The following DAB1 variants were observed in gnomAD, a reference collection of about 807,000 sequenced individuals.
DAB1 encodes DAB adaptor protein 1.
DAB1 carries 15 observed loss-of-function variants against 64.6 expected under a neutral mutation model. The observed-to-expected ratio is 0.23, with a 90% confidence interval of 0.16 to 0.36. The LOEUF (loss-of-function observed/expected upper bound fraction) is 0.36, where lower values mean the gene tolerates loss of function less well. DAB1 is among the 10% of genes least tolerant of loss of function. DAB1 has a pLI of 1.00. For missense variants in DAB1, 596 were observed against 706.7 expected (o/e 0.84, Z 1.78); for synonymous variants, 235 against 251.9 (o/e 0.93, Z 0.64).
intron 4 of DAB1, chr1:58,228,708 G>T: frequency 8.8e-7 from 1 of 1,138,584 alleles, no homozygotes; most frequent in South Asian, 1.2e-5. Context: ...CTTGCCCTGG[G>T]GTTCTTGGAC....
At chr1:57,333,554 T>C (rs1443336762) in intron 1 of DAB1, among the ~76,000 whole-genome samples, 1 of 152,226 alleles carries the variant, frequency 6.6e-6, no homozygotes, top group African/African-American at 2.4e-5. Flanking sequence ...GCTAGGCAAA[T>C]TGTGTGTAAC....
intron 7 of DAB1, among the ~76,000 whole-genome samples, chr1:57,636,053 C>T (rs1044521006): frequency 2.1e-5 from 3 of 145,014 alleles, no homozygotes; most frequent in Admixed American, 1.4e-4. Context: ...GCCAAGATAG[C>T]GCCACAGCAG....
intron 5 of DAB1, among the ~76,000 whole-genome samples, chr1:58,062,659 G>T (rs1041903311): frequency 1.1e-4 from 17 of 152,220 alleles, no homozygotes; most frequent in African/African-American, 4.1e-4. Flanking sequence ...TCACTACGGT[G>T]CCAGGAGTTC....
At chr1:58,221,119 C>G (rs1338420484) in intron 4 of DAB1, among the ~76,000 whole-genome samples, 1 of 151,328 alleles carries the variant, frequency 6.6e-6, no homozygotes, top group Non-Finnish European at 1.5e-5. Flanking sequence ...TGTGTACACA[C>G]ACACATACAC....
intron 7 of DAB1, among the ~76,000 whole-genome samples, chr1:57,555,483 G>A (rs1180652824): frequency 1.4e-5 from 2 of 148,016 alleles, no homozygotes; most frequent in East Asian, 2.0e-4. Context: ...AAAAGTATAC[G>A]AAATCACGTC....
rs149241677 is a variant in DAB1, at chr1:57,834,625, A to T, written n.88-8170T>A. Reference sequence around the variant, plus strand: ...TATGTGCACACAGTTATATATATACATACACAGTTTTATATATATATAAAA... The same window carrying T: ...TATGTGCACACAGTTATATATATACTTACACAGTTTTATATATATATAAAA... On this transcript the variant is annotated intron_variant and non_coding_transcript_variant, in intron 1 of 1. Coordinates refer to the DAB1 transcript ENST00000477280. Among the ~76,000 whole-genome samples, 541 of 151,860 alleles carry T rather than the reference A, an allele frequency of 3.6e-3. 2 individuals carry two copies. Among genetic ancestry groups the T allele is most frequent in the African/African-American group, 0.013 (526 of 41,440 alleles).
intron 1 of DAB1, among the ~76,000 whole-genome samples, chr1:57,347,215 C>T (rs1678182825): frequency 6.6e-6 from 1 of 152,146 alleles, no homozygotes; most frequent in South Asian, 2.1e-4. Flanking sequence ...CAAAGTCCTG[C>T]CCCAAATGGG....
chr1:58,475,468 G>A (rs774975864), intron 3 of DAB1, among the ~76,000 whole-genome samples: 58 of 144,590 alleles, frequency 4.0e-4, no homozygotes, highest in Non-Finnish European at 6.5e-4. Context: ...GGCTGAATTA[G>A]GTTAATTAAA....
intron 3 of DAB1, among the ~76,000 whole-genome samples, chr1:58,393,654 T>C (rs1028015103): frequency 7.9e-5 from 12 of 152,042 alleles, no homozygotes; most frequent in Admixed American, 1.3e-4. Context: ...CACACTTATA[T>C]GTGAAATCTA....
rs764952612 is a variant in DAB1 at position 58,001,542 on chromosome 1, G to A, written n.388-117380C>T. ...CCCAAGGTGCTGGGATTACAGGCAC[G>A]AGCCACCACACCCAGCTGAAAAGGC... is the stretch of plus-strand genomic sequence containing the variant. On this transcript the variant is annotated intron_variant and non_coding_transcript_variant, in intron 5 of 20. Coordinates refer to the DAB1 transcript ENST00000485760. Among the ~76,000 whole-genome samples the A allele has an allele frequency of 3.9e-5, 6 of 152,240 alleles. No individual in the cohort carries two copies. The East Asian group carries it at 5.8e-4, about 15-fold the overall frequency.
intron 7 of DAB1, among the ~76,000 whole-genome samples, chr1:57,631,824 G>A (rs2101629138): frequency 6.6e-6 from 1 of 152,282 alleles, no homozygotes; most frequent in East Asian, 1.9e-4. Context: ...CCAAAGGAGG[G>A]GTCAGTAGCC....
chr1:58,166,104 T>C (rs1225291113), intron 4 of DAB1, among the ~76,000 whole-genome samples: 1 of 152,236 alleles, frequency 6.6e-6, no homozygotes, highest in African/African-American at 2.4e-5. Flanking sequence ...AGAAGTCACA[T>C]TTATTAATCA....
Position 57,383,901 on chromosome 1 carries a change from G to A in DAB1, c.-137+40029C>T, listed in dbSNP as rs143042206. The stretch of plus-strand genomic sequence containing the variant: ...GCACAAACAACAAAAGTAAAAATGC[G>A]TAAATCACACTATATCAAAATTTAA... On this transcript the variant is annotated intron_variant, in intron 1 of 14. Transcript: ENST00000371236. Among the ~76,000 whole-genome samples, 14 of 152,214 alleles carry A rather than the reference G, an allele frequency of 9.2e-5. No individual in the cohort carries two copies. In the East Asian group the frequency reaches 1.4e-3, roughly 15 times the overall value.
At chr1:57,542,610 T>C (rs1378482351) in intron 7 of DAB1, among the ~76,000 whole-genome samples, 1 of 151,792 alleles carries the variant, frequency 6.6e-6, no homozygotes, top group African/African-American at 2.4e-5. Flanking sequence ...GCCAGAGACC[T>C]TGGATTTATC....
At chr1:57,600,018 G>C (rs188544612) in intron 7 of DAB1, among the ~76,000 whole-genome samples, 3 of 152,004 alleles carry the variant, frequency 2.0e-5, no homozygotes. Flanking sequence ...CTCATTTTTC[G>C]GGTCTCAGAT....
chr1:57,641,263 C>T (rs1217787942), intron 7 of DAB1, among the ~76,000 whole-genome samples: 1 of 152,018 alleles, frequency 6.6e-6, no homozygotes, highest in Non-Finnish European at 1.5e-5. Flanking sequence ...ACTCCCTTTC[C>T]AACTTTGATC....
chr1:57,710,005 T>A (rs577464109), intron 6 of DAB1, among the ~76,000 whole-genome samples: 1 of 152,254 alleles, frequency 6.6e-6, no homozygotes, highest in East Asian at 1.9e-4. Context: ...AAAGAAATGA[T>A]TTGGGGGCTG....
In DAB1 at chr1:57,393,654, C is replaced by A. The variant is rs930169637; in HGVS notation, c.-137+30276G>T. ...CAGCCTGGGTGATACAGTGAGACCC[C>A]TTCTCAAAAAATGAAAATCAAAAGA... is the stretch of plus-strand genomic sequence containing the variant. On this transcript the variant is annotated intron_variant, in intron 1 of 14. Coordinates refer to ENST00000371236, the MANE Select transcript of DAB1 (RefSeq NM_001365792.1). Among the ~76,000 whole-genome samples the A allele has an allele frequency of 3.3e-5, 5 of 152,142 alleles. No individual in the cohort carries two copies. In the East Asian group the frequency reaches 9.6e-4, roughly 29 times the overall value.
chr1:57,906,678 A>G (rs1456766370), intron 5 of DAB1, among the ~76,000 whole-genome samples: 1 of 152,158 alleles, frequency 6.6e-6, no homozygotes, highest in Non-Finnish European at 1.5e-5. Context: ...TTGATGGACC[A>G]TGGAATCTAA....
Sources: gnomAD v4.1 joint callset for allele counts (sites outside exome capture counted in the v4.1 genomes callset) on GRCh38, gnomAD v4.1.1 for gene constraint, MANE v1.5 for transcripts, NCBI Gene and HGNC (gene_info 2026-07-23, HGNC 2026-07-21) for gene names.